The following TSHZ2 variants were observed in gnomAD, a reference collection of about 807,000 sequenced individuals.
TSHZ2 encodes teashirt homolog 2.
In TSHZ2, 21 loss-of-function variants were observed where a neutral mutation model predicts 74.4. That is an observed-to-expected ratio of 0.28 (90% CI 0.20 to 0.41). TSHZ2 has a LOEUF of 0.41. TSHZ2 is among the 10% of genes least tolerant of loss of function. The pLI is 1.00. For synonymous variants in TSHZ2, 540 were observed against 515.3 expected (o/e 1.05, Z -0.65); for missense variants, 1,244 against 1,293.5 (o/e 0.96, Z 0.59).
intron 1 of TSHZ2, among the ~76,000 whole-genome samples, chr20:52,976,176 G>C (rs1981330933): frequency 6.6e-6 from 1 of 152,286 alleles, no homozygotes; most frequent in Middle Eastern, 3.4e-3. Flanking sequence ...GAATAAACAA[G>C]ATGATATTGT....
At chr20:53,290,505 A>G (rs909234142) in intron 2 of TSHZ2, among the ~76,000 whole-genome samples, 1 of 152,188 alleles carries the variant, frequency 6.6e-6, no homozygotes, top group Non-Finnish European at 1.5e-5. Context: ...ACAGGTTCTC[A>G]TCTCCAGGAG....
At chr20:53,292,034 G>A (rs569627610) in intron 2 of TSHZ2, among the ~76,000 whole-genome samples, 3 of 152,104 alleles carry the variant, frequency 2.0e-5, no homozygotes, top group East Asian at 1.9e-4. Context: ...TTCGTTAAGG[G>A]GAATTCCAAA....
intron 1 of TSHZ2, among the ~76,000 whole-genome samples, chr20:53,188,944 C>T (rs1041354574): frequency 6.6e-6 from 1 of 151,968 alleles, no homozygotes; most frequent in South Asian, 2.1e-4. Context: ...TATGATTATC[C>T]CCATTTTTCA....
chr20:53,258,052 A>G (rs941623769), intron 2 of TSHZ2, among the ~76,000 whole-genome samples: 3 of 152,160 alleles, frequency 2.0e-5, no homozygotes, highest in African/African-American at 7.2e-5. Flanking sequence ...CTGACCTGGG[A>G]CTTTCCCCTG....
intron 2 of TSHZ2, among the ~76,000 whole-genome samples, chr20:53,363,806 T>C (rs1981157254): frequency 6.6e-6 from 1 of 152,194 alleles, no homozygotes; most frequent in Non-Finnish European, 1.5e-5. Flanking sequence ...AGCGAGACCC[T>C]GTCTCAACAA....
intron 2 of TSHZ2, among the ~76,000 whole-genome samples, chr20:53,274,750 CGTT>C (rs1568847384): frequency 6.6e-6 from 1 of 152,232 alleles, no homozygotes; most frequent in Non-Finnish European, 1.5e-5. Context: ...CATGCAGAAA[CGTT>C]GCCTATCTTT....
intron 2 of TSHZ2, among the ~76,000 whole-genome samples, chr20:53,454,726 T>C (rs925752762): frequency 4.6e-5 from 7 of 152,154 alleles, no homozygotes; most frequent in South Asian, 2.1e-4. Flanking sequence ...AATTGTCCCA[T>C]AGAATGGATG....
chr20:53,421,023 C>T (rs565878579), intron 2 of TSHZ2, among the ~76,000 whole-genome samples: 1 of 152,226 alleles, frequency 6.6e-6, no homozygotes, highest in Non-Finnish European at 1.5e-5. Context: ...TTGGCATAAA[C>T]TCAGGACCCT....
At chr20:53,149,210 C>G (rs536951311) in intron 1 of TSHZ2, among the ~76,000 whole-genome samples, 1 of 149,578 alleles carries the variant, frequency 6.7e-6, no homozygotes, top group South Asian at 2.1e-4. Context: ...TTGATTTCCT[C>G]TGCTGGTGAG....
intron 2 of TSHZ2, among the ~76,000 whole-genome samples, chr20:53,288,536 A>G (rs1298610819): frequency 6.6e-6 from 1 of 152,204 alleles, no homozygotes; most frequent in African/African-American, 2.4e-5. Flanking sequence ...GAGAATGAAT[A>G]GTCTTGGCAT....
chr20:53,281,011 A>T (rs528195683), intron 2 of TSHZ2, among the ~76,000 whole-genome samples: 1 of 152,302 alleles, frequency 6.6e-6, no homozygotes, highest in East Asian at 1.9e-4. Context: ...TATTCCTAAA[A>T]GTAAACTGTA....
chr20:53,145,654 T>G (rs1483922194), intron 1 of TSHZ2, among the ~76,000 whole-genome samples: 1 of 152,080 alleles, frequency 6.6e-6, no homozygotes, highest in African/African-American at 2.4e-5. Context: ...GCTGGGGTAG[T>G]TTTTAACCAA....
At chr20:53,176,341 T>A (rs556761453) in intron 1 of TSHZ2, among the ~76,000 whole-genome samples, 2 of 152,336 alleles carry the variant, frequency 1.3e-5, no homozygotes, top group South Asian at 4.1e-4. Context: ...AGCCAGCAGG[T>A]GTCAGAGGGA....
At chr20:53,195,926 C>A (rs1018432267) in intron 1 of TSHZ2, among the ~76,000 whole-genome samples, 1 of 152,108 alleles carries the variant, frequency 6.6e-6, no homozygotes, top group African/African-American at 2.4e-5. Context: ...GGAGAGCCTG[C>A]AGATTAATGT....
chr20:53,002,590 G>A (rs1301454616), intron 1 of TSHZ2, among the ~76,000 whole-genome samples: 1 of 151,544 alleles, frequency 6.6e-6, no homozygotes, highest in African/African-American at 2.4e-5. Context: ...AAGTGATGTT[G>A]CCAGAATTAG....
rs1301903339 is a variant in TSHZ2, at chr20:53,469,670, A to AAGGG, written c.*9-17471_*9-17470insGAGG. 5.8e-5 allele frequency among the ~76,000 whole-genome samples: 3 copies of AAGGG among 52,068 alleles called. 1 individual carries two copies. The East Asian group carries it at 1.8e-3, about 32-fold the overall frequency. 34.2% of individuals were successfully genotyped at this position (52,068 alleles called of 152,430 possible). On this transcript the variant is annotated intron_variant, in intron 2 of 2. Transcript: ENST00000371497. ...GAAGGAAGGAAGGAAGGAAGGAAGG[A>AAGGG]AGGAAGGAAGGAAGGACGGACCCAA... is the stretch of plus-strand genomic sequence containing the variant.
At chr20:53,343,192 C>T (rs191701934) in intron 2 of TSHZ2, among the ~76,000 whole-genome samples, 127 of 152,014 alleles carry the variant, frequency 8.4e-4, no homozygotes, top group African/African-American at 2.7e-3. Context: ...GTCTTGAACT[C>T]CTGACCTCAA....
At chr20:52,987,259 C>G (rs924871789) in intron 1 of TSHZ2, among the ~76,000 whole-genome samples, 1 of 152,096 alleles carries the variant, frequency 6.6e-6, no homozygotes, top group South Asian at 2.1e-4. Context: ...ATACTCATCA[C>G]TTGGAGAAGT....
At chr20:53,152,445 C>T (rs1987696621) in intron 1 of TSHZ2, among the ~76,000 whole-genome samples, 1 of 152,148 alleles carries the variant, frequency 6.6e-6, no homozygotes, top group African/African-American at 2.4e-5. Context: ...GAGCTTGACC[C>T]TTATTCTAAC....
Sources: gnomAD v4.1 joint callset for allele counts (sites outside exome capture counted in the v4.1 genomes callset) on GRCh38, gnomAD v4.1.1 for gene constraint, MANE v1.5 for transcripts, NCBI Gene and HGNC (gene_info 2026-07-23, HGNC 2026-07-21) for gene names.